Variants in OR56A3 observed in about 807,000 individuals in gnomAD.
OR56A3 encodes the protein olfactory receptor family 56 subfamily A member 3.
OR56A3 carries 23 observed loss-of-function variants against 17.5 expected under a neutral mutation model. That is an observed-to-expected ratio of 1.32 (90% CI 0.95 to 1.87). The LOEUF (loss-of-function observed/expected upper bound fraction) is 1.87, where lower values mean the gene tolerates loss of function less well. OR56A3 is among the 40% of genes most tolerant of loss of function. The pLI is 0.00. For missense variants in OR56A3, 366 were observed against 380.1 expected, an observed-to-expected ratio of 0.96 and a Z score of 0.31; for synonymous variants, 175 against 150.6, an observed-to-expected ratio of 1.16 and a Z score of -1.19.
the OR56A3 span, chr11:6,002,216 C>A: frequency 4.3e-6 from 7 of 1,614,110 alleles, no homozygotes; most frequent in African/African-American, 1.3e-5. Context: ...TGACCAGAAC[C>A]AGCAGGACTG....
chr11:5,986,401 A>G, the OR56A3 span: 1 of 1,613,904 alleles, frequency 6.2e-7, no homozygotes, highest in Non-Finnish European at 8.5e-7. Context: ...CAAAATGGGG[A>G]AGGGGATAAG....
chr11:6,004,229 G>A, the OR56A3 span, among the ~76,000 whole-genome samples: 2 of 152,166 alleles, frequency 1.3e-5, no homozygotes, highest in Non-Finnish European at 2.9e-5. Flanking sequence ...GTGCATGCCT[G>A]TAATCCCAGC....
chr11:5,957,905 A>G, the OR56A3 span, among the ~76,000 whole-genome samples: 3 of 152,328 alleles, frequency 2.0e-5, no homozygotes, highest in South Asian at 6.2e-4. Context: ...GAGTTTTAAA[A>G]GTCCTATAAA....
chr11:5,984,847 G>A, the OR56A3 span, among the ~76,000 whole-genome samples: 12 of 152,126 alleles, frequency 7.9e-5, no homozygotes, highest in Non-Finnish European at 1.5e-5. Flanking sequence ...TATCTCCCGA[G>A]CATCTTACAT....
intron 1 of OR56A3, among the ~76,000 whole-genome samples, chr11:5,943,926 G>A (rs1337378479): frequency 6.6e-6 from 1 of 152,220 alleles, no homozygotes; most frequent in African/African-American, 2.4e-5. Context: ...TGCTGTGGGT[G>A]CAAAGTTAAT....
At chr11:5,967,495 C>A in the OR56A3 span, 6 of 1,233,990 alleles carry the variant, frequency 4.9e-6, no homozygotes, top group Non-Finnish European at 6.7e-6. Flanking sequence ...TGCATCATAA[C>A]AATTATTCTC....
At chr11:5,994,905 T>C in the OR56A3 span, 1 of 756,894 alleles carries the variant, frequency 1.3e-6, no homozygotes, top group East Asian at 2.5e-5. Context: ...TCATTCAGGC[T>C]TTGCATGGTC....
At chr11:6,013,215 C>A in the OR56A3 span, among the ~76,000 whole-genome samples, 2 of 152,242 alleles carry the variant, frequency 1.3e-5, no homozygotes, top group Non-Finnish European at 2.9e-5. Context: ...GAGCATGCAG[C>A]CTCAGCCACA....
chr11:5,984,218 GC>G, the OR56A3 span, among the ~76,000 whole-genome samples: 1 of 152,114 alleles, frequency 6.6e-6, no homozygotes, highest in Non-Finnish European at 1.5e-5. Flanking sequence ...AACAAAAACT[GC>G]AAACCTTTAC....
chr11:5,971,657 A>G, the OR56A3 span, among the ~76,000 whole-genome samples: 1 of 152,252 alleles, frequency 6.6e-6, no homozygotes, highest in Non-Finnish European at 1.5e-5. Context: ...AGACATAAAT[A>G]TGAATCAAAC....
chr11:6,014,345 C>A, the OR56A3 span, among the ~76,000 whole-genome samples: 1 of 152,192 alleles, frequency 6.6e-6, no homozygotes, highest in African/African-American at 2.4e-5. Flanking sequence ...GGGGTGCTTT[C>A]CAAGAATGGT....
the OR56A3 span, chr11:5,986,801 A>G: frequency 1.2e-6 from 2 of 1,614,066 alleles, no homozygotes; most frequent in East Asian, 2.2e-5. Context: ...AGTGCAATCC[A>G]GTGCTGGCTT....
the OR56A3 span, among the ~76,000 whole-genome samples, chr11:5,963,000 A>G: frequency 2.0e-5 from 3 of 152,152 alleles, no homozygotes; most frequent in African/African-American, 7.2e-5. Context: ...GATCAGAATC[A>G]TTTCTCATGA....
the OR56A3 span, among the ~76,000 whole-genome samples, chr11:6,004,943 A>G: frequency 2.0e-5 from 3 of 152,222 alleles, no homozygotes; most frequent in South Asian, 2.1e-4. Flanking sequence ...GAGAAAATTG[A>G]CTTGCAAACA....
At chr11:5,958,378 A>G in the OR56A3 span, among the ~76,000 whole-genome samples, 2 of 152,206 alleles carry the variant, frequency 1.3e-5, no homozygotes, top group African/African-American at 4.8e-5. Context: ...CTGGAGACTA[A>G]GAATGACACA....
chr11:6,002,889 C>G, the OR56A3 span: 1 of 1,613,940 alleles, frequency 6.2e-7, no homozygotes, highest in East Asian at 2.2e-5. Flanking sequence ...GAAGAGAAGG[C>G]TGAGGGGCAG....
the OR56A3 span, chr11:6,003,165 C>A: frequency 6.6e-7 from 1 of 1,508,744 alleles, no homozygotes; most frequent in Non-Finnish European, 8.9e-7. Context: ...TTATATTTAA[C>A]CAAGTATGTA....
chr11:5,992,213 C>T, the OR56A3 span, among the ~76,000 whole-genome samples: 12 of 152,288 alleles, frequency 7.9e-5, no homozygotes, highest in East Asian at 1.9e-3. Context: ...CTAGGAGTGT[C>T]GCCTGCTGGA....
At chr11:5,987,658 A>G in the OR56A3 span, among the ~76,000 whole-genome samples, 3 of 152,066 alleles carry the variant, frequency 2.0e-5, no homozygotes, top group East Asian at 5.8e-4. Context: ...TACCTACACA[A>G]CCCAATCTAA....
Sources: gnomAD v4.1 joint callset for allele counts (sites outside exome capture counted in the v4.1 genomes callset) on GRCh38, gnomAD v4.1.1 for gene constraint, MANE v1.5 for transcripts, NCBI Gene and HGNC (gene_info 2026-07-23, HGNC 2026-07-21) for gene names.